PIGN: variants seen among roughly 807,000 people sequenced by gnomAD.
PIGN encodes the protein GPI ethanolamine phosphate transferase 1.
Under a neutral mutation model 125.4 loss-of-function variants are expected in PIGN, and 117 were observed. The ratio of observed to expected loss-of-function variants is 0.93; its 90% CI spans 0.80 to 1.09. The LOEUF is 1.09. Among genes scored for constraint, PIGN ranks in the 50% least tolerant of loss-of-function variants. The pLI is 0.00. For synonymous variants in PIGN, 392 were observed against 377.8 expected, an observed-to-expected ratio of 1.04 and a Z score of -0.44; for missense variants, 1,075 against 1,094.9, an observed-to-expected ratio of 0.98 and a Z score of 0.26.
chr18:62,053,771 A>C (rs2031505439), intron 30 of PIGN, among the ~76,000 whole-genome samples: 1 of 152,210 alleles, frequency 6.6e-6, no homozygotes, highest in Admixed American at 6.5e-5. Context: ...CACAATGATA[A>C]AACACTCTAC....
intron 1 of PIGN, among the ~76,000 whole-genome samples, chr18:62,173,390 T>C (rs1007071113): frequency 1.3e-5 from 2 of 152,094 alleles, no homozygotes; most frequent in African/African-American, 2.4e-5. Context: ...CCACTACACC[T>C]GGCTAATTTT....
intron 14 of PIGN, among the ~76,000 whole-genome samples, chr18:62,133,434 CTTG>C (rs2035813018): frequency 6.6e-6 from 1 of 152,114 alleles, no homozygotes; most frequent in Non-Finnish European, 1.5e-5. Context: ...AATCTCTTAT[CTTG>C]TTCTTCTTTC....
At chr18:62,156,717 T>C (rs1018546850) in intron 6 of PIGN, among the ~76,000 whole-genome samples, 4 of 152,332 alleles carry the variant, frequency 2.6e-5, no homozygotes, top group African/African-American at 9.6e-5. Flanking sequence ...TCATCATTTA[T>C]AATCAAGTTA....
chr18:62,057,798 G>A (rs544562085), intron 30 of PIGN, among the ~76,000 whole-genome samples: 3 of 152,254 alleles, frequency 2.0e-5, no homozygotes, highest in East Asian at 1.9e-4. Context: ...TAACTGTACA[G>A]AGCACCCTTG....
intron 9 of PIGN, 85 bp from the exon 10 acceptor site, chr18:62,146,110 A>G (rs1439518871): frequency 1.7e-6 from 1 of 601,158 alleles, no homozygotes; most frequent in Non-Finnish European, 2.8e-6. Context: ...TTTGTTTTAA[A>G]GAGTTGATCC....
At chr18:62,076,166 C>A (rs1205188720) in intron 28 of PIGN, 5 of 152,156 alleles carry the variant, frequency 3.3e-5, no homozygotes, top group Admixed American at 2.6e-4. Flanking sequence ...GTACTCCTGA[C>A]CTCGTATCCG....
At position 62,106,547 on chromosome 18, in the gene PIGN, A is replaced by T. The variant is rs191933358; in HGVS notation, c.1767+242T>A. On this transcript the variant is annotated intron_variant, in intron 19 of 30. Transcript: ENST00000640252. ...AATCCAGGAAATGCTTCAGAGATGG[A>T]CATATCAGTACAACTTATATAGCAT... 1.3e-4 allele frequency among the ~76,000 whole-genome samples: 20 copies of T among 152,304 alleles called. No homozygotes were observed. The East Asian group carries it at 3.7e-3, about 28-fold the overall frequency.
chr18:62,139,185 TAATTGAAATAGTTA>T, intron 12 of PIGN, 110 bp from the exon 13 acceptor site: 1 of 531,450 alleles, frequency 1.9e-6, no homozygotes, highest in Non-Finnish European at 3.4e-6. Flanking sequence ...GACAAATAAA[TAATTGAAATAGTTA>T]AATGAAAAAT....
intron 1 of PIGN, among the ~76,000 whole-genome samples, chr18:62,182,425 C>T (rs1010993749): frequency 6.6e-6 from 1 of 152,164 alleles, no homozygotes; most frequent in Admixed American, 6.5e-5. Flanking sequence ...TAGGTGGCAC[C>T]ACCTTCCCAC....
intron 30 of PIGN, among the ~76,000 whole-genome samples, chr18:62,046,716 A>G (rs1481509128): frequency 1.3e-5 from 2 of 152,028 alleles, no homozygotes; most frequent in Non-Finnish European, 2.9e-5. Flanking sequence ...TTGTTACACT[A>G]TATTGTTTAG....
intron 30 of PIGN, among the ~76,000 whole-genome samples, chr18:62,062,292 G>A (rs1172769021): frequency 6.6e-6 from 1 of 152,120 alleles, no homozygotes; most frequent in Non-Finnish European, 1.5e-5. Flanking sequence ...ATTTCATCAG[G>A]AATGACTAAG....
Position 62,067,651 on chromosome 18 carries a change from T to C in PIGN, c.2672+5022A>G, listed in dbSNP as rs548991230. Among the ~76,000 whole-genome samples the C allele has an allele frequency of 5.8e-4, 89 of 152,238 alleles. 1 individual carries two copies. The highest frequency in any genetic ancestry group is 7.2e-4 in the Non-Finnish European group (49 of 68,042). ...TCATCCATGTAGTTGAGTTCATCAC[T>C]TACTCATTTCTTTTTATAGGTAAGT... is the stretch of plus-strand genomic sequence containing the variant. On this transcript the variant is annotated intron_variant, in intron 30 of 30. Transcript: ENST00000640252.
intron 29 of PIGN, 76 bp from the exon 30 acceptor site, chr18:62,072,801 T>C: frequency 9.1e-7 from 1 of 1,096,590 alleles, no homozygotes; most frequent in Non-Finnish European, 1.3e-6. Flanking sequence ...ATTTTAGGAC[T>C]GTATGTTTCA....
At chr18:62,140,286 A>G in intron 12 of PIGN, 134 bp downstream of exon 12, 1 of 455,292 alleles carries the variant, frequency 2.2e-6, no homozygotes, top group Non-Finnish European at 4.0e-6. Flanking sequence ...GTTCAAGACC[A>G]GCCTGGGCAA....
intron 24 of PIGN, among the ~76,000 whole-genome samples, chr18:62,089,645 G>A (rs1392995781): frequency 5.3e-5 from 8 of 151,980 alleles, no homozygotes; most frequent in Non-Finnish European, 1.2e-4. Context: ...AATATTCAAG[G>A]ACTAAAAGTT....
At chr18:62,077,963 T>A (rs1306737155) in intron 28 of PIGN, among the ~76,000 whole-genome samples, 1 of 152,244 alleles carries the variant, frequency 6.6e-6, no homozygotes, top group Non-Finnish European at 1.5e-5. Flanking sequence ...TCTTCTGTGT[T>A]TGACTGTGTC....
chr18:62,063,601 C>T (rs1223846982), intron 30 of PIGN, among the ~76,000 whole-genome samples: 1 of 150,072 alleles, frequency 6.7e-6, no homozygotes, highest in Non-Finnish European at 1.5e-5. Context: ...CTAAAATAGT[C>T]TTCCCAAACC....
At chr18:62,183,372 C>T (rs1428873531) in intron 1 of PIGN, among the ~76,000 whole-genome samples, 1 of 152,162 alleles carries the variant, frequency 6.6e-6, no homozygotes, top group African/African-American at 2.4e-5. Flanking sequence ...AAACCTGTCT[C>T]ATAGCACTCC....
intron 14 of PIGN, among the ~76,000 whole-genome samples, chr18:62,129,103 G>T (rs1287893962): frequency 1.3e-5 from 2 of 152,054 alleles, no homozygotes; most frequent in Non-Finnish European, 2.9e-5. Context: ...TCAGTGGCGT[G>T]CTGAGGGCTG....
Sources: gnomAD v4.1 joint callset for allele counts (sites outside exome capture counted in the v4.1 genomes callset) on GRCh38, gnomAD v4.1.1 for gene constraint, MANE v1.5 for transcripts, NCBI Gene and HGNC (gene_info 2026-07-23, HGNC 2026-07-21) for gene names.